The following PTPRS variants were observed in gnomAD, a reference collection of about 807,000 sequenced individuals.
PTPRS encodes protein tyrosine phosphatase receptor type S, also known as receptor-type tyrosine-protein phosphatase S.
In PTPRS, 63 loss-of-function variants were observed where a neutral mutation model predicts 215.3. That is an observed-to-expected ratio of 0.29 (90% CI 0.24 to 0.36). The LOEUF (loss-of-function observed/expected upper bound fraction) is 0.36, where lower values mean the gene tolerates loss of function less well. Ranked by LOEUF, PTPRS falls within the 10% of genes least tolerant of loss-of-function variation. The probability of loss-of-function intolerance (pLI) is 1.00; values close to 1 mark genes in which losing one functional copy is unlikely to be tolerated. For synonymous variants in PTPRS, 1,404 were observed against 1,191.4 expected (o/e 1.18, Z -3.68); for missense variants, 2,258 against 2,825.8 (o/e 0.80, Z 4.56).
intron 1 of PTPRS, among the ~76,000 whole-genome samples, chr19:5,326,600 C>T (rs932708670): frequency 3.3e-5 from 5 of 151,630 alleles, no homozygotes; most frequent in South Asian, 4.2e-4. Flanking sequence ...GCGGGAGGAT[C>T]GCCTGAGCCC....
intron 12 of PTPRS, 59 bp downstream of exon 12, chr19:5,240,140 C>T (rs778346405): frequency 7.7e-5 from 111 of 1,435,892 alleles, no homozygotes; most frequent in African/African-American, 1.5e-4. Flanking sequence ...AGGCGGGCAG[C>T]GTCAGAGAGC....
At chr19:5,221,974 AT>A (rs2042015340) in intron 19 of PTPRS, 148 bp downstream of exon 19, 1 of 645,458 alleles carries the variant, frequency 1.5e-6, no homozygotes, top group African/African-American at 1.8e-5. Flanking sequence ...GATTCCCAGT[AT>A]TGACTAAGCC....
intron 1 of PTPRS, among the ~76,000 whole-genome samples, chr19:5,311,762 C>T (rs890868086): frequency 3.9e-5 from 6 of 152,020 alleles, no homozygotes; most frequent in East Asian, 1.9e-4. Flanking sequence ...TCCCTTGGGC[C>T]GGGTGCGGTG....
chr19:5,300,539 G>A (rs2049269622), intron 1 of PTPRS, among the ~76,000 whole-genome samples: 1 of 151,964 alleles, frequency 6.6e-6, no homozygotes, highest in African/African-American at 2.4e-5. Flanking sequence ...GGGAGGCCGA[G>A]GTGGACAGAT....
intron 1 of PTPRS, among the ~76,000 whole-genome samples, chr19:5,326,468 C>G (rs1004488818): frequency 6.6e-6 from 1 of 152,192 alleles, no homozygotes; most frequent in African/African-American, 2.4e-5. Context: ...TTTCCGTTCA[C>G]AAGAGCAAGA....
In PTPRS at chr19:5,279,730, G is replaced by A. The variant is rs963674; in HGVS notation, c.92-5386C>T. Among the ~76,000 whole-genome samples, 45 of 151,836 alleles carry A rather than the reference G, an allele frequency of 3.0e-4. 3 individuals carry two copies. The highest frequency in any genetic ancestry group is 1.7e-3 in the South Asian group (8 of 4,798). On this transcript the variant is annotated intron_variant, in intron 2 of 37. Transcript: ENST00000262963. The stretch of plus-strand genomic sequence containing the variant: ...CAGAGTCTCACTGTGTCACCCAGGC[G>A]GGAGTGCTGTGGCGTGATCTCGGCT...
At chr19:5,335,589 T>G (rs1350986387) in intron 1 of PTPRS, among the ~76,000 whole-genome samples, 1 of 152,170 alleles carries the variant, frequency 6.6e-6, no homozygotes, top group Admixed American at 6.5e-5. Context: ...AGGAGACAGC[T>G]GGCCCTTCCT....
At chr19:5,302,854 G>A (rs1366978630) in intron 1 of PTPRS, among the ~76,000 whole-genome samples, 3 of 147,904 alleles carry the variant, frequency 2.0e-5, no homozygotes, top group South Asian at 4.3e-4. Context: ...TCAGGAGATC[G>A]AGACGATCCT....
chr19:5,268,613 C>T (rs781620112), intron 4 of PTPRS, among the ~76,000 whole-genome samples: 8 of 152,196 alleles, frequency 5.3e-5, no homozygotes, highest in South Asian at 4.1e-4. Flanking sequence ...TACGAGAGAG[C>T]GGCAGTTCCA....
intron 1 of PTPRS, among the ~76,000 whole-genome samples, chr19:5,336,966 A>G (rs2050523662): frequency 6.6e-6 from 1 of 152,184 alleles, no homozygotes; most frequent in African/African-American, 2.4e-5. Flanking sequence ...GTGAGCCAGG[A>G]GCCTACCCTG....
chr19:5,240,120 G>C, intron 12 of PTPRS, 79 bp downstream of exon 12: 1 of 1,390,704 alleles, frequency 7.2e-7, no homozygotes, highest in African/African-American at 1.5e-5. Flanking sequence ...ACAAAGAGGG[G>C]GAAGAGACAA....
intron 4 of PTPRS, among the ~76,000 whole-genome samples, chr19:5,268,775 G>A (rs2046649033): frequency 6.6e-6 from 1 of 152,184 alleles, no homozygotes. Flanking sequence ...TCACACACTT[G>A]TCCCAGGTCA....
intron 9 of PTPRS, among the ~76,000 whole-genome samples, chr19:5,248,389 A>C (rs1259119557): frequency 1.1e-5 from 1 of 92,030 alleles, no homozygotes; most frequent in Non-Finnish European, 3.1e-5. Context: ...AAGCAAGAAG[A>C]AAAAAAAAAA....
At chr19:5,218,057 G>T (rs1057390306) in intron 25 of PTPRS, among the ~76,000 whole-genome samples, 2 of 152,126 alleles carry the variant, frequency 1.3e-5, no homozygotes, top group African/African-American at 2.4e-5. Context: ...TCCCACCACC[G>T]AGGAACATTA....
At chr19:5,288,962 C>A (rs1040423757) in intron 1 of PTPRS, among the ~76,000 whole-genome samples, 4 of 152,228 alleles carry the variant, frequency 2.6e-5, no homozygotes, top group Admixed American at 2.6e-4. Context: ...GGACTCCCCC[C>A]AGATCCGCCA....
intron 26 of PTPRS, 56 bp from the exon 27 acceptor site, chr19:5,215,651 C>T: frequency 1.7e-6 from 2 of 1,199,542 alleles, no homozygotes; most frequent in Non-Finnish European, 2.3e-6. Context: ...CAGCCGGGGA[C>T]TCGGGGGAGG....
In PTPRS at chr19:5,295,379, G is replaced by A. The variant is rs1307655436; in HGVS notation, c.-94-9145C>T. ...GCCTCTTGTCCATGTCTCTGTGGAG[G>A]CAGACTCTTGCCCCTATTCCACAGT... On this transcript the variant is annotated intron_variant, in intron 1 of 37. Coordinates refer to ENST00000262963, the MANE Select transcript of PTPRS (RefSeq NM_002850.4). The surrounding 1 kb of genome is among the most constrained non-coding windows in gnomAD (Gnocchi z 4.6). Among the ~76,000 whole-genome samples the A allele has an allele frequency of 6.6e-6, 1 of 152,216 alleles. No homozygotes were observed. The highest frequency in any genetic ancestry group is 1.5e-5 in the Non-Finnish European group (1 of 68,036).
chr19:5,278,312 A>C (rs1028013496), intron 2 of PTPRS, among the ~76,000 whole-genome samples: 1 of 151,678 alleles, frequency 6.6e-6, no homozygotes, highest in Non-Finnish European at 1.5e-5. Context: ...TCAATCTCCC[A>C]GGCTCAAGCG....
chr19:5,216,236 C>T (rs899632820), intron 26 of PTPRS, among the ~76,000 whole-genome samples: 6 of 152,068 alleles, frequency 3.9e-5, no homozygotes, highest in Admixed American at 1.3e-4. Context: ...TTCAAGCCCC[C>T]TAGGATGGCT....
Sources: gnomAD v4.1 joint callset for allele counts (sites outside exome capture counted in the v4.1 genomes callset) on GRCh38, gnomAD v4.1.1 for gene constraint, Gnocchi (gnomAD v3.1) non-coding constraint, MANE v1.5 for transcripts, NCBI Gene and HGNC (gene_info 2026-07-23, HGNC 2026-07-21) for gene names.